GAN: variants seen among roughly 807,000 people sequenced by gnomAD.
The protein encoded by GAN is gigaxonin, also known as epididymis secretory sperm binding protein.
GAN carries 48 observed loss-of-function variants against 71.3 expected under a neutral mutation model. The observed-to-expected ratio is 0.67, with a 90% CI of 0.53 to 0.86. GAN has a LOEUF of 0.86. Ranked by LOEUF, GAN falls within the 40% of genes least tolerant of loss-of-function variation. GAN has a pLI of 0.00. For missense variants in GAN, 928 were observed against 770.1 expected (o/e 1.21, Z -2.43); for synonymous variants, 386 against 276.8 (o/e 1.39, Z -3.92).
In GAN at chr16:81,383,518, G is replaced by T. The variant is rs1409830560; in HGVS notation, c.*5922G>T. ...TCCGCCCGCCTCAGCCTCCCAAAGT[G>T]CTGGATTACAGGTGTGAGCCACCTC... is the stretch of plus-strand genomic sequence containing the variant. On this transcript the variant is annotated 3_prime_UTR_variant, in exon 11 of 11. Coordinates refer to ENST00000648994, the MANE Select transcript of GAN (RefSeq NM_022041.4). 7 of 149,868 alleles carry T rather than the reference G, an allele frequency of 4.7e-5. No individual in the cohort carries two copies. Among genetic ancestry groups the T allele is most frequent in the Admixed American group, 4.6e-4 (7 of 15,064 alleles). The allele number at this position is 149,868 out of a possible 1,614,324, so 9.3% of individuals were successfully genotyped here. A position where few individuals can be genotyped will look rare whatever the true frequency, so the allele number is the denominator to read the frequency against.
chr16:81,335,137 G>A (rs1909712273), intron 1 of GAN, among the ~76,000 whole-genome samples: 1 of 124,454 alleles, frequency 8.0e-6, no homozygotes, highest in African/African-American at 3.0e-5. Context: ...GGATTAAACT[G>A]TGTGACTATG....
At chr16:81,354,807 T>A in intron 3 of GAN, 52 bp downstream of exon 3, 1 of 1,047,038 alleles carries the variant, frequency 9.6e-7, no homozygotes, top group Non-Finnish European at 1.5e-6. Flanking sequence ...TCTTTTTAAT[T>A]CAAATTTTAG....
intron 1 of GAN, among the ~76,000 whole-genome samples, chr16:81,334,991 G>T (rs1241932211): frequency 6.6e-6 from 1 of 152,094 alleles, no homozygotes; most frequent in Non-Finnish European, 1.5e-5. Flanking sequence ...AAACAAATGC[G>T]TCTTATTAGA....
At chr16:81,354,032 T>C (rs1018038698) in intron 2 of GAN, among the ~76,000 whole-genome samples, 1 of 152,196 alleles carries the variant, frequency 6.6e-6, no homozygotes, top group Non-Finnish European at 1.5e-5. Flanking sequence ...ATGCTGGTAC[T>C]TAATCATGTT....
At chr16:81,349,990 A>T (rs77460839) in intron 1 of GAN, among the ~76,000 whole-genome samples, 3,432 of 152,296 alleles carry the variant, frequency 0.023, 67 homozygotes, top group East Asian at 0.082. Context: ...GTAAAAAATA[A>T]CAGGAATATC....
At chr16:81,325,044 G>A (rs1909338396) in intron 1 of GAN, among the ~76,000 whole-genome samples, 1 of 118,822 alleles carries the variant, frequency 8.4e-6, no homozygotes, top group Admixed American at 9.4e-5. Context: ...ATGGCTCCCA[G>A]GCAGGGATGG....
intron 9 of GAN, 145 bp downstream of exon 9, chr16:81,365,623 C>G (rs1349562413): frequency 1.2e-6 from 1 of 803,166 alleles, no homozygotes; most frequent in Non-Finnish European, 2.2e-6. Flanking sequence ...GATATTTATT[C>G]AGTGACTTCA....
intron 1 of GAN, among the ~76,000 whole-genome samples, chr16:81,346,524 G>T (rs1197265895): frequency 6.6e-6 from 1 of 152,202 alleles, no homozygotes; most frequent in Non-Finnish European, 1.5e-5. Flanking sequence ...ACCCTATTGT[G>T]AATTGGGCAT....
At chr16:81,352,831 A>G (rs1567490685) in intron 2 of GAN, among the ~76,000 whole-genome samples, 1 of 152,210 alleles carries the variant, frequency 6.6e-6, no homozygotes, top group Non-Finnish European at 1.5e-5. Context: ...TCACATAACC[A>G]GGGCTAAGAC....
At chr16:81,343,834 G>C (rs1910027866) in intron 1 of GAN, among the ~76,000 whole-genome samples, 1 of 152,202 alleles carries the variant, frequency 6.6e-6, no homozygotes, top group Non-Finnish European at 1.5e-5. Context: ...AATTGTCTCT[G>C]TTTGCAGATG....
chr16:81,318,633 T>C (rs1273411419), intron 1 of GAN, among the ~76,000 whole-genome samples: 2 of 152,256 alleles, frequency 1.3e-5, no homozygotes, highest in Admixed American at 1.3e-4. Context: ...CTACTTAATA[T>C]AGAAAAGTCT....
chr16:81,350,662 T>A lies in GAN; in HGVS notation c.168-921T>A, dbSNP rs534065074. The stretch of plus-strand genomic sequence containing the variant: ...TCCTGAGCTGCTGGGATTGCAGGCG[T>A]ATGCCACCACCACTCCCAGTCGATG... On this transcript the variant is annotated intron_variant, in intron 1 of 10. Coordinates refer to ENST00000648994, the MANE Select transcript of GAN (RefSeq NM_022041.4). Among the ~76,000 whole-genome samples, 4 of 152,252 alleles carry A rather than the reference T, an allele frequency of 2.6e-5. No individual in the cohort carries two copies. In the East Asian group the frequency reaches 7.7e-4, roughly 29 times the overall value.
chr16:81,367,242 G>A (rs542458943), intron 9 of GAN, among the ~76,000 whole-genome samples: 25 of 152,178 alleles, frequency 1.6e-4, no homozygotes, highest in East Asian at 5.8e-4. Flanking sequence ...AGCACTTCTC[G>A]CCAGGTGCAC....
chr16:81,335,323 T>C (rs577297391), intron 1 of GAN, among the ~76,000 whole-genome samples: 16 of 152,240 alleles, frequency 1.1e-4, no homozygotes, highest in African/African-American at 3.9e-4. Context: ...ACTCTTAAAA[T>C]CCATTAAAAT....
chr16:81,320,265 A>G (rs909891115), intron 1 of GAN, among the ~76,000 whole-genome samples: 3 of 152,200 alleles, frequency 2.0e-5, no homozygotes, highest in African/African-American at 4.8e-5. Flanking sequence ...TGAATATCTG[A>G]AACATACACT....
chr16:81,361,939 C>G (rs1029051232), intron 5 of GAN, among the ~76,000 whole-genome samples: 4 of 152,194 alleles, frequency 2.6e-5, no homozygotes, highest in African/African-American at 9.7e-5. Flanking sequence ...GTCCTTGTAG[C>G]TTGGCTTCCA....
At chr16:81,351,171 C>T (rs557951695) in intron 1 of GAN, among the ~76,000 whole-genome samples, 1 of 152,326 alleles carries the variant, frequency 6.6e-6, no homozygotes, top group South Asian at 2.1e-4. Context: ...GGAAGACCAT[C>T]TGGTTAGAAG....
At position 81,380,887 on chromosome 16, in the gene GAN, A is replaced by G. The variant is rs910782960; in HGVS notation, c.*3291A>G. The G allele has an allele frequency of 2.6e-5, 4 of 152,216 alleles. No individual in the cohort carries two copies. The highest frequency in any genetic ancestry group is 2.0e-4 in the Admixed American group (3 of 15,288). 9.4% of individuals were successfully genotyped at this position (152,216 alleles called of 1,614,324 possible). ...AATGCATTGTTTAGCTTAGTACTTC[A>G]TTGCTGTAAGGAATTGATAGCTAAC... On this transcript the variant is annotated 3_prime_UTR_variant, in exon 11 of 11. Coordinates refer to ENST00000648994, the MANE Select transcript of GAN (RefSeq NM_022041.4).
chr16:81,315,010 G>C lies in GAN; in HGVS notation c.-104G>C, dbSNP rs945360557. ...GGCTCCAGCTTCTGCTCAGAGCGCG[G>C]AGAGCCGGGCCGGGCGGGCGCGCGC... On this transcript the variant is annotated 5_prime_UTR_variant, in exon 1 of 11. Coordinates refer to ENST00000648994, the MANE Select transcript of GAN (RefSeq NM_022041.4). 21 of 999,250 alleles carry C rather than the reference G, an allele frequency of 2.1e-5. No individual in the cohort carries two copies. Among genetic ancestry groups the C allele is most frequent in the Admixed American group, 4.2e-5 (1 of 23,572 alleles). 61.9% of individuals were successfully genotyped at this position (999,250 alleles called of 1,614,324 possible).
Sources: allele counts gnomAD v4.1 joint callset (sites outside exome capture counted in the v4.1 genomes callset), GRCh38; gene constraint gnomAD v4.1.1; transcripts MANE v1.5; gene names NCBI Gene and HGNC (gene_info 2026-07-23, HGNC 2026-07-21).